The following VAV3 variants were observed in gnomAD, a reference collection of about 807,000 sequenced individuals.
The protein encoded by VAV3 is vav guanine nucleotide exchange factor 3.
Under a neutral mutation model 131.2 loss-of-function variants are expected in VAV3, and 94 were observed. That is an observed-to-expected ratio of 0.72 (90% CI 0.61 to 0.85). The LOEUF is 0.85. Ranked by LOEUF, VAV3 falls within the 40% of genes least tolerant of loss-of-function variation. The pLI, the probability that VAV3 is intolerant of heterozygous loss-of-function variation, is 0.00. For missense variants in VAV3, 939 were observed against 1,002.7 expected, an observed-to-expected ratio of 0.94 and a Z score of 0.86; for synonymous variants, 349 against 342.0, an observed-to-expected ratio of 1.02 and a Z score of -0.22.
intron 2 of VAV3, among the ~76,000 whole-genome samples, chr1:107,828,855 T>C (rs1232393922): frequency 2.0e-5 from 3 of 152,318 alleles, no homozygotes; most frequent in Middle Eastern, 3.4e-3. Context: ...ATGGACATCT[T>C]AGGGAGGCCA....
chr1:107,712,778 C>T (rs1376777308), intron 15 of VAV3, among the ~76,000 whole-genome samples: 2 of 152,006 alleles, frequency 1.3e-5, no homozygotes, highest in Non-Finnish European at 2.9e-5. Flanking sequence ...AGGGTGGAAG[C>T]GGGGAGAAGA....
chr1:107,656,135 A>G (rs1656532756), intron 19 of VAV3, among the ~76,000 whole-genome samples: 1 of 152,216 alleles, frequency 6.6e-6, no homozygotes, highest in Non-Finnish European at 1.5e-5. Context: ...AATATATTCA[A>G]TTGATACCTG....
intron 1 of VAV3, among the ~76,000 whole-genome samples, chr1:107,910,480 A>G (rs1041820477): frequency 6.6e-6 from 1 of 152,222 alleles, no homozygotes; most frequent in African/African-American, 2.4e-5. Flanking sequence ...AAAAGCCCCA[A>G]TTAGCATTGC....
chr1:107,760,414 G>A (rs1664345004), intron 10 of VAV3, among the ~76,000 whole-genome samples: 1 of 152,140 alleles, frequency 6.6e-6, no homozygotes, highest in Non-Finnish European at 1.5e-5. Context: ...AAGGGAAGAG[G>A]TCTAATATGA....
At chr1:107,749,899 TC>T (rs1193769360) in intron 13 of VAV3, among the ~76,000 whole-genome samples, 2 of 152,196 alleles carry the variant, frequency 1.3e-5, no homozygotes, top group African/African-American at 2.4e-5. Flanking sequence ...TAAAGTTTGT[TC>T]ATGAGCAATT....
chr1:107,574,269 A>T, intron 25 of VAV3, 71 bp from the exon 26 acceptor site: 1 of 1,542,154 alleles, frequency 6.5e-7, no homozygotes, highest in Non-Finnish European at 8.8e-7. Flanking sequence ...TAATCAGATG[A>T]ATGTTATTGA....
intron 15 of VAV3, among the ~76,000 whole-genome samples, chr1:107,706,720 C>T (rs1660476867): frequency 6.6e-6 from 1 of 152,134 alleles, no homozygotes; most frequent in African/African-American, 2.4e-5. Flanking sequence ...TCAGGAAGGG[C>T]TGTTGGTTCA....
chr1:107,607,156 A>G lies in VAV3; in HGVS notation c.2015+2775T>C, dbSNP rs1229167603. Among the ~76,000 whole-genome samples, 3 of 151,766 alleles carry G rather than the reference A, an allele frequency of 2.0e-5. No individual in the cohort carries two copies. In the East Asian group the frequency reaches 5.8e-4, roughly 30 times the overall value. Reference sequence around the variant, plus strand: ...TTTTTAGTAGAGATGGGGTTTCACTATGTTCCAGGCTGGTCTTGAACTCCT... The same window carrying G: ...TTTTTAGTAGAGATGGGGTTTCACTGTGTTCCAGGCTGGTCTTGAACTCCT... On this transcript the variant is annotated intron_variant, in intron 22 of 26. Coordinates refer to ENST00000370056, the MANE Select transcript of VAV3 (RefSeq NM_006113.5).
At chr1:107,648,528 T>G (rs1655909303) in intron 19 of VAV3, among the ~76,000 whole-genome samples, 1 of 151,994 alleles carries the variant, frequency 6.6e-6, no homozygotes. Flanking sequence ...GAAAATGCCA[T>G]GTACTTGGCA....
At chr1:107,944,015 C>T (rs972608234) in intron 1 of VAV3, among the ~76,000 whole-genome samples, 4 of 152,238 alleles carry the variant, frequency 2.6e-5, no homozygotes, top group African/African-American at 9.6e-5. Flanking sequence ...AACAGCTGTG[C>T]CTGGTTTTGA....
chr1:107,761,453 G>A (rs1160842919), intron 9 of VAV3, among the ~76,000 whole-genome samples: 1 of 151,622 alleles, frequency 6.6e-6, no homozygotes, highest in Admixed American at 6.6e-5. Flanking sequence ...CAAAATCATG[G>A]CCCCCCAGGG....
chr1:107,892,101 A>T (rs1453226063), intron 1 of VAV3, among the ~76,000 whole-genome samples: 1 of 152,192 alleles, frequency 6.6e-6, no homozygotes, highest in African/African-American at 2.4e-5. Context: ...CATGAAATAC[A>T]AATATATCCC....
chr1:107,918,708 T>A (rs1478241188), intron 1 of VAV3, among the ~76,000 whole-genome samples: 152 of 125,054 alleles, frequency 1.2e-3, no homozygotes, highest in South Asian at 6.1e-3. Flanking sequence ...TATATATATT[T>A]TTTTTTTTTT....
chr1:107,762,326 G>A (rs771335159), intron 9 of VAV3, among the ~76,000 whole-genome samples: 33 of 151,956 alleles, frequency 2.2e-4, no homozygotes, highest in Non-Finnish European at 3.8e-4. Context: ...ATATTATGAG[G>A]AGCTCCAAAA....
intron 15 of VAV3, among the ~76,000 whole-genome samples, chr1:107,729,234 G>A (rs1276631923): frequency 6.6e-6 from 1 of 152,034 alleles, no homozygotes; most frequent in Non-Finnish European, 1.5e-5. Flanking sequence ...AATATTCTCC[G>A]AGAAGAAGCT....
chr1:107,743,882 TATTTAA>T (rs1190180826), intron 15 of VAV3, among the ~76,000 whole-genome samples: 1 of 152,226 alleles, frequency 6.6e-6, no homozygotes, highest in Non-Finnish European at 1.5e-5. Context: ...GACCTCGGAT[TATTTAA>T]ATTTTTCTTT....
intron 2 of VAV3, among the ~76,000 whole-genome samples, chr1:107,850,265 T>G (rs1232961104): frequency 1.3e-5 from 2 of 152,154 alleles, no homozygotes; most frequent in Admixed American, 6.5e-5. Context: ...TAAAGACACA[T>G]GCCCACGTAT....
chr1:107,797,208 A>G (rs1666591063), intron 2 of VAV3, among the ~76,000 whole-genome samples: 1 of 152,228 alleles, frequency 6.6e-6, no homozygotes, highest in African/African-American at 2.4e-5. Context: ...AAATTACCCA[A>G]GCAGTCTAAC....
At chr1:107,688,018 G>A (rs549545942) in intron 18 of VAV3, among the ~76,000 whole-genome samples, 2 of 152,246 alleles carry the variant, frequency 1.3e-5, no homozygotes, top group East Asian at 1.9e-4. Context: ...CTAATTCTAC[G>A]GAATTTCAGT....
Sources: allele counts gnomAD v4.1 joint callset (sites outside exome capture counted in the v4.1 genomes callset), GRCh38; gene constraint gnomAD v4.1.1; transcripts MANE v1.5; gene names NCBI Gene and HGNC (gene_info 2026-07-23, HGNC 2026-07-21).